Variants in GK observed in about 807,000 individuals in gnomAD.
GK encodes the protein glycerol kinase.
A neutral mutation model predicts 56.4 loss-of-function variants in GK; 9 were observed. The ratio of observed to expected loss-of-function variants is 0.16; its 90% CI spans 0.10 to 0.28. The LOEUF (loss-of-function observed/expected upper bound fraction) is 0.28, where lower values mean the gene tolerates loss of function less well. GK is among the 10% of genes least tolerant of loss of function. The pLI is 1.00. For synonymous variants in GK, 104 were observed against 144.1 expected, an observed-to-expected ratio of 0.72 and a Z score of 1.99; for missense variants, 161 against 431.4, an observed-to-expected ratio of 0.37 and a Z score of 5.55.
At chrX:30,661,163 G>A (rs1159122975) in intron 1 of GK, among the ~76,000 whole-genome samples, 1 of 111,339 alleles carries the variant, frequency 9.0e-6, no homozygotes, top group East Asian at 2.8e-4. Flanking sequence ...CTGATGACTG[G>A]ATATCTCCAC....
intron 4 of GK, among the ~76,000 whole-genome samples, chrX:30,680,688 T>A (rs1934234511): frequency 1.8e-5 from 2 of 112,051 alleles, no homozygotes; most frequent in African/African-American, 6.5e-5. Flanking sequence ...GCCTAGCATT[T>A]GGCATTGCTT....
intron 13 of GK, among the ~76,000 whole-genome samples, chrX:30,710,452 A>G (rs1396222508): frequency 8.9e-6 from 1 of 111,935 alleles, no homozygotes. Flanking sequence ...TTTTACAATT[A>G]ACAAACATTT....
chrX:30,673,208 A>G (rs1343875630), intron 3 of GK, among the ~76,000 whole-genome samples: 1 of 112,294 alleles, frequency 8.9e-6, no homozygotes, highest in Non-Finnish European at 1.9e-5. Context: ...TGGGTAAAGT[A>G]TGAAGCTGGT....
Position 30,653,451 on chromosome X carries a change from C to A in GK, c.-87C>A. ...TTCAGCGGACGCGCGCGGCCTCGAT[C>A]TCTGGACTCGTCACCTGCCCCTCCC... On this transcript the variant is annotated 5_prime_UTR_variant, in exon 1 of 21. Transcript: ENST00000427190. The A allele has an allele frequency of 2.4e-6, 2 of 842,556 alleles. No individual in the cohort carries two copies. The highest frequency in any genetic ancestry group is 3.6e-6 in the Non-Finnish European group (2 of 559,941). 69.4% of individuals were successfully genotyped at this position (842,556 alleles called of 1,213,427 possible).
At position 30,708,117 on chromosome X, in the gene GK, G is replaced by A. The variant is rs1936117838; in HGVS notation, c.958G>A (p.Val320Ile). 8.1e-6 allele frequency: 9 copies of A among 1,115,725 alleles called. No homozygotes were observed. In the East Asian group the frequency reaches 2.7e-4, roughly 33 times the overall value. The allele number at this position is 1,115,725 out of a possible 1,213,427, so 91.9% of individuals were successfully genotyped here. Residue 320 changes from valine (V) to isoleucine (I), a missense_variant, in exon 13 of 21, where the codon GTA becomes ATA. Physicochemically the swap from Val to Ile is conservative, Grantham distance 29. Coordinates refer to ENST00000427190, the MANE Select transcript of GK (RefSeq NM_001205019.2). The part of the protein sequence containing the change: ...VAYKLGRDKP[V>I]YYALEGSVAI... Reference sequence around the variant, plus strand: ...TTACAAACTTGGCAGAGACAAACCAGTATATTATGCTTTGGAAGTAAGTTC... The same window carrying A: ...TTACAAACTTGGCAGAGACAAACCAATATATTATGCTTTGGAAGTAAGTTC...
In GK at chrX:30,704,128, T is replaced by TTATATATATA. The variant is rs752736589; in HGVS notation, c.851+3235_851+3244dup. Among the ~76,000 whole-genome samples, 456 of 74,895 alleles carry TTATATATATA rather than the reference T, an allele frequency of 6.1e-3. 9 individuals are homozygous for TTATATATATA. The highest frequency in any genetic ancestry group is 0.018 in the Middle Eastern group (3 of 163). 65.0% of individuals were successfully genotyped at this position (74,895 alleles called of 115,157 possible). ...CAGAAAAACAATGCAGTTATTCATT[T>TTATATATATA]TATATATATATATATATATATGAGA... On this transcript the variant is annotated intron_variant, in intron 11 of 20. Coordinates refer to ENST00000427190, the MANE Select transcript of GK (RefSeq NM_001205019.2).
In GK at chrX:30,718,524, C is replaced by CT; in HGVS notation, c.976-7dup. On this transcript the variant is annotated splice_polypyrimidine_tract_variant and intron_variant, in intron 13 of 20. Coordinates refer to ENST00000427190, the MANE Select transcript of GK (RefSeq NM_001205019.2). ...ATAAAATATATTCTGTCTTGAATTC[C>CT]TTTTTTTCTTTAGGGTTCTGTAGCT... The CT allele has an allele frequency of 6.2e-6, 7 of 1,133,709 alleles. No homozygotes were observed. The highest frequency in any genetic ancestry group is 8.5e-6 in the Non-Finnish European group (7 of 825,725). 93.4% of individuals were successfully genotyped at this position (1,133,709 alleles called of 1,213,427 possible). A position where few individuals can be genotyped will look rare whatever the true frequency, so the allele number is the denominator to read the frequency against.
At chrX:30,717,705 G>A (rs373869968) in intron 13 of GK, among the ~76,000 whole-genome samples, 17 of 112,014 alleles carry the variant, frequency 1.5e-4, no homozygotes, top group Non-Finnish European at 2.3e-4. Flanking sequence ...GACATACTGC[G>A]TTTTATCTAT....
chrX:30,709,121 A>T (rs1346718667), intron 13 of GK, among the ~76,000 whole-genome samples: 1 of 112,182 alleles, frequency 8.9e-6, no homozygotes, highest in Non-Finnish European at 1.9e-5. Flanking sequence ...CTCCCTCTCT[A>T]CTTTCCCTCT....
intron 3 of GK, among the ~76,000 whole-genome samples, chrX:30,673,641 A>T (rs1434983269): frequency 1.8e-5 from 2 of 111,833 alleles, no homozygotes; most frequent in Non-Finnish European, 3.8e-5. Context: ...AAGCAATTTT[A>T]CTTGGCATGA....
chrX:30,699,194 T>TTATATATATGTTATA (rs1935428411), intron 9 of GK, among the ~76,000 whole-genome samples: 2 of 98,370 alleles, frequency 2.0e-5, no homozygotes, highest in Non-Finnish European at 4.0e-5. Flanking sequence ...TATATATGTT[T>TTATATATATGTTATA]TATATATATG....
chrX:30,725,945 GC>G (rs1432337673), intron 19 of GK, among the ~76,000 whole-genome samples: 2 of 110,432 alleles, frequency 1.8e-5, no homozygotes, highest in Non-Finnish European at 3.8e-5. Flanking sequence ...GAGCCACCGC[GC>G]CTGGCCTTAA....
chrX:30,721,054 G>A lies in GK; in HGVS notation c.1501+59G>A, dbSNP rs780594871. The stretch of plus-strand genomic sequence containing the variant: ...CTGTGAAAACGACCTTAGTGCACGG[G>A]AGTTTTGTTTTTCTGTTTAGTTAAA... On this transcript the variant is annotated intron_variant, in intron 18 of 20. Transcript: ENST00000427190. 3 of 1,093,491 alleles carry A rather than the reference G, an allele frequency of 2.7e-6. No individual in the cohort carries two copies. In the South Asian group the frequency reaches 5.6e-5, roughly 21 times the overall value. 90.1% of individuals were successfully genotyped at this position (1,093,491 alleles called of 1,213,427 possible).
At position 30,697,767 on chromosome X, in the gene GK, C is replaced by T; in HGVS notation, c.747+18C>T. The T allele has an allele frequency of 8.9e-7, 1 of 1,125,150 alleles. No individual in the cohort carries two copies. The highest frequency in any genetic ancestry group is 1.2e-6 in the Non-Finnish European group (1 of 817,053). 92.7% of individuals were successfully genotyped at this position (1,125,150 alleles called of 1,213,427 possible). On this transcript the variant is annotated intron_variant, in intron 9 of 20. Transcript: ENST00000427190. ...ATAGCGTGGTGAGTAGGTTGCCCGCCAATTATGTACCCATTCATTTGGAAA... is the reference window on the plus strand; with the variant it reads ...ATAGCGTGGTGAGTAGGTTGCCCGCTAATTATGTACCCATTCATTTGGAAA...
intron 18 of GK, among the ~76,000 whole-genome samples, chrX:30,723,019 G>T (rs981648011): frequency 4.5e-5 from 5 of 111,986 alleles, no homozygotes; most frequent in African/African-American, 1.6e-4. Flanking sequence ...AGATGCTGGG[G>T]TTGGGGGGCA....
At chrX:30,655,981 A>G (rs192179945) in intron 1 of GK, among the ~76,000 whole-genome samples, 296 of 112,280 alleles carry the variant, frequency 2.6e-3, no homozygotes, top group African/African-American at 8.9e-3. Flanking sequence ...TTAGAGAATG[A>G]TTTTATAAAA....
At chrX:30,723,026 G>A (rs1441952109) in intron 18 of GK, among the ~76,000 whole-genome samples, 1 of 111,936 alleles carries the variant, frequency 8.9e-6, no homozygotes, top group Admixed American at 9.5e-5. Flanking sequence ...GGGGTTGGGG[G>A]GCATGGGGCT....
intron 3 of GK, among the ~76,000 whole-genome samples, chrX:30,670,990 C>T (rs1481815330): frequency 9.5e-6 from 1 of 105,421 alleles, no homozygotes; most frequent in African/African-American, 3.5e-5. Flanking sequence ...TTCAAAAAAA[C>T]AAAACCAACA....
At chrX:30,714,315 G>T (rs2147250947) in intron 13 of GK, among the ~76,000 whole-genome samples, 1 of 111,909 alleles carries the variant, frequency 8.9e-6, no homozygotes, top group African/African-American at 3.2e-5. Flanking sequence ...TCCAGGCACA[G>T]CTTAGCTGGG....
Sources: gnomAD v4.1 joint callset for allele counts (sites outside exome capture counted in the v4.1 genomes callset) on GRCh38, gnomAD v4.1.1 for gene constraint, MANE v1.5 for transcripts, NCBI Gene and HGNC (gene_info 2026-07-23, HGNC 2026-07-21) for gene names.